Variants in KCNH7 observed in about 807,000 individuals in gnomAD.
KCNH7 encodes the protein potassium voltage-gated channel subfamily H member 7.
Under a neutral mutation model 120.8 loss-of-function variants are expected in KCNH7, and 49 were observed. The observed-to-expected ratio is 0.41, with a 90% confidence interval of 0.32 to 0.51. The LOEUF (loss-of-function observed/expected upper bound fraction) is 0.51. KCNH7 is among the 20% of genes least tolerant of loss of function. KCNH7 has a pLI of 0.38. For missense variants in KCNH7, 1,097 were observed against 1,446.6 expected, an observed-to-expected ratio of 0.76 and a Z score of 3.92; for synonymous variants, 547 against 516.1, an observed-to-expected ratio of 1.06 and a Z score of -0.81.
chr2:162,375,640 C>T (rs1686139815), intron 14 of KCNH7, among the ~76,000 whole-genome samples: 1 of 152,026 alleles, frequency 6.6e-6, no homozygotes, highest in African/African-American at 2.4e-5. Flanking sequence ...TAAGAATGGA[C>T]TCTTGGGCCA....
intron 3 of KCNH7, among the ~76,000 whole-genome samples, chr2:162,535,216 T>C (rs1692066682): frequency 6.6e-6 from 1 of 151,762 alleles, no homozygotes; most frequent in African/African-American, 2.4e-5. Context: ...TTTTTAATGA[T>C]ACCTTGGAGG....
chr2:162,641,677 T>C (rs1684162187), intron 2 of KCNH7, among the ~76,000 whole-genome samples: 1 of 152,138 alleles, frequency 6.6e-6, no homozygotes. Flanking sequence ...GAAGTGATTA[T>C]ACAGGCAAAC....
chr2:162,761,382 G>A (rs950161861), intron 2 of KCNH7, among the ~76,000 whole-genome samples: 8 of 151,978 alleles, frequency 5.3e-5, no homozygotes, highest in African/African-American at 9.7e-5. Context: ...CTTACAACCC[G>A]AACATATGAT....
At chr2:162,515,840 C>T (rs1691269923) in intron 4 of KCNH7, among the ~76,000 whole-genome samples, 1 of 151,394 alleles carries the variant, frequency 6.6e-6, no homozygotes, top group Non-Finnish European at 1.5e-5. Flanking sequence ...GCTAATTGCT[C>T]TTGTATCTTT....
chr2:162,512,527 G>C (rs1691112734), intron 5 of KCNH7, 127 bp downstream of exon 5: 2 of 700,930 alleles, frequency 2.9e-6, no homozygotes, highest in African/African-American at 1.8e-5. Context: ...GTCTCCACCA[G>C]GCACCCCAAA....
At chr2:162,723,127 T>C (rs1687388344) in intron 2 of KCNH7, among the ~76,000 whole-genome samples, 1 of 152,020 alleles carries the variant, frequency 6.6e-6, no homozygotes, top group Admixed American at 6.6e-5. Flanking sequence ...TATATATCTC[T>C]TTATTAGTGT....
intron 2 of KCNH7, among the ~76,000 whole-genome samples, chr2:162,799,393 G>A (rs1297639077): frequency 6.6e-6 from 1 of 151,702 alleles, no homozygotes; most frequent in East Asian, 1.9e-4. Context: ...TGTTAAAACA[G>A]TAATATATTC....
At chr2:162,604,267 A>T (rs141245834) in intron 2 of KCNH7, among the ~76,000 whole-genome samples, 2 of 152,266 alleles carry the variant, frequency 1.3e-5, no homozygotes, top group East Asian at 1.9e-4. Flanking sequence ...AGTAGATATG[A>T]ATATTCTAGA....
At chr2:162,512,499 G>A (rs187939654) in intron 5 of KCNH7, among the ~76,000 whole-genome samples, 155 bp downstream of exon 5, 12 of 151,838 alleles carry the variant, frequency 7.9e-5, no homozygotes, top group Admixed American at 3.9e-4. Context: ...AATGTCTGTA[G>A]CAAAATCAAG....
chr2:162,446,544 TAGAG>T (rs1040563924), intron 6 of KCNH7, 101 bp from the exon 7 acceptor site: 6 of 813,006 alleles, frequency 7.4e-6, no homozygotes, highest in Admixed American at 3.0e-5. Flanking sequence ...TAAAATTTAT[TAGAG>T]AGAATTCATG....
intron 2 of KCNH7, among the ~76,000 whole-genome samples, chr2:162,568,424 G>A (rs1466366287): frequency 6.6e-6 from 1 of 151,986 alleles, no homozygotes; most frequent in East Asian, 1.9e-4. Context: ...AGTATACTCT[G>A]CAATATTTGC....
chr2:162,792,283 T>A lies in KCNH7; in HGVS notation c.307+44254A>T, dbSNP rs1211791000. ...TTTATGCAAGGTTTTGGTATCACAATGATACTGGGTCATAGAATGAGTTAG... is the reference window on the plus strand; with the variant it reads ...TTTATGCAAGGTTTTGGTATCACAAAGATACTGGGTCATAGAATGAGTTAG... On this transcript the variant is annotated intron_variant, in intron 2 of 15. Transcript: ENST00000332142. 2.6e-5 allele frequency among the ~76,000 whole-genome samples: 4 copies of A among 152,106 alleles called. No individual in the cohort carries two copies. The East Asian group carries it at 7.7e-4, about 29-fold the overall frequency.
chr2:162,730,952 T>C (rs988537026), intron 2 of KCNH7, among the ~76,000 whole-genome samples: 1 of 151,892 alleles, frequency 6.6e-6, no homozygotes, highest in African/African-American at 2.4e-5. Flanking sequence ...CAAACTTGAA[T>C]TGCAGTGAAT....
At chr2:162,745,750 G>T (rs7605717) in intron 2 of KCNH7, among the ~76,000 whole-genome samples, 7,475 of 151,848 alleles carry the variant, frequency 0.049, 540 homozygotes, top group African/African-American at 0.16. Flanking sequence ...TTAAAAAAAG[G>T]TAATATATAA....
chr2:162,688,199 G>T (rs537167511), intron 2 of KCNH7, among the ~76,000 whole-genome samples: 1 of 152,052 alleles, frequency 6.6e-6, no homozygotes, highest in South Asian at 2.1e-4. Context: ...TCATCCTTTA[G>T]CTGTTAAGAA....
intron 2 of KCNH7, among the ~76,000 whole-genome samples, chr2:162,719,573 T>C (rs1363132880): frequency 1.3e-5 from 2 of 152,052 alleles, no homozygotes; most frequent in African/African-American, 4.8e-5. Context: ...AAATATTTTA[T>C]TTTATGATAT....
chr2:162,678,981 G>A (rs1685619870), intron 2 of KCNH7, among the ~76,000 whole-genome samples: 1 of 151,578 alleles, frequency 6.6e-6, no homozygotes, highest in African/African-American at 2.4e-5. Flanking sequence ...CAGGATATTT[G>A]AATCCAGGAG....
chr2:162,793,713 G>T (rs951637080), intron 2 of KCNH7, among the ~76,000 whole-genome samples: 6 of 151,986 alleles, frequency 3.9e-5, no homozygotes, highest in African/African-American at 9.7e-5. Flanking sequence ...AATAGTGGTT[G>T]CCAGGGAACA....
intron 2 of KCNH7, among the ~76,000 whole-genome samples, chr2:162,559,625 C>T (rs901361666): frequency 6.6e-6 from 1 of 152,164 alleles, no homozygotes; most frequent in African/African-American, 2.4e-5. Flanking sequence ...TTGATCATTA[C>T]CCTTATCACA....
Sources: allele counts gnomAD v4.1 joint callset (sites outside exome capture counted in the v4.1 genomes callset), GRCh38; gene constraint gnomAD v4.1.1; transcripts MANE v1.5; gene names NCBI Gene and HGNC (gene_info 2026-07-23, HGNC 2026-07-21).